The following METAP1D variants were observed in gnomAD, a reference collection of about 807,000 sequenced individuals.
METAP1D encodes methionine aminopeptidase 1D, mitochondrial.
In METAP1D, 31 loss-of-function variants were observed where a neutral mutation model predicts 40.5. The ratio of observed to expected loss-of-function variants is 0.77; its 90% CI spans 0.58 to 1.03. The LOEUF is 1.03. METAP1D is among the 50% of genes least tolerant of loss of function. The pLI is 0.00. For synonymous variants in METAP1D, 151 were observed against 146.4 expected (o/e 1.03, Z -0.22); for missense variants, 411 against 420.7 (o/e 0.98, Z 0.20).
At chr2:172,020,649 G>A (rs1270834661) in intron 1 of METAP1D, among the ~76,000 whole-genome samples, 11 of 152,196 alleles carry the variant, frequency 7.2e-5, no homozygotes, top group African/African-American at 2.2e-4. Context: ...CCCTATAGGA[G>A]TTTGCATTGG....
intron 1 of METAP1D, among the ~76,000 whole-genome samples, chr2:172,016,883 C>T (rs761476568): frequency 1.8e-4 from 27 of 151,942 alleles, no homozygotes; most frequent in Admixed American, 8.5e-4. Context: ...TGCTATTCCT[C>T]GTGCTTGAAC....
intron 1 of METAP1D, among the ~76,000 whole-genome samples, chr2:172,061,281 C>G (rs1378643143): frequency 2.0e-5 from 3 of 152,132 alleles, no homozygotes; most frequent in East Asian, 3.8e-4. Context: ...TCCATTGTCA[C>G]GCATTTATGT....
At chr2:172,062,843 T>C (rs757152051) in intron 2 of METAP1D, among the ~76,000 whole-genome samples, 33 of 152,218 alleles carry the variant, frequency 2.2e-4, no homozygotes, top group Admixed American at 1.5e-3. Flanking sequence ...AATGTTTCAA[T>C]TGAAGAGTGT....
At chr2:172,006,186 GT>G (rs11380115) in intron 1 of METAP1D, among the ~76,000 whole-genome samples, 43,772 of 139,398 alleles carry the variant, frequency 0.31, 5,901 homozygotes, top group East Asian at 0.68. Context: ...TATAGTTTTT[GT>G]TTTTTTTTTT....
At chr2:172,071,102 T>C (rs747711422) in intron 6 of METAP1D, 32 bp downstream of exon 6, 1 of 1,568,694 alleles carries the variant, frequency 6.4e-7, no homozygotes, top group Non-Finnish European at 8.6e-7. Flanking sequence ...AAAGGGAGGG[T>C]TGGCAAATGG....
chr2:172,016,292 A>C (rs1418576560), intron 1 of METAP1D, among the ~76,000 whole-genome samples: 1 of 75,920 alleles, frequency 1.3e-5, no homozygotes, highest in African/African-American at 4.0e-5. Flanking sequence ...AAAAAAAAAA[A>C]AAAAAAAAAT....
At chr2:172,016,336 G>A (rs1336604651) in intron 1 of METAP1D, among the ~76,000 whole-genome samples, 4 of 93,196 alleles carry the variant, frequency 4.3e-5, no homozygotes, top group African/African-American at 1.7e-4. Flanking sequence ...TATATAAATA[G>A]TCCAGGCGTG....
At chr2:172,000,136 C>A in intron 1 of METAP1D, 127 bp downstream of exon 1, 1 of 817,486 alleles carries the variant, frequency 1.2e-6, no homozygotes, top group Non-Finnish European at 1.7e-6. Context: ...TCAGTGTTTA[C>A]GAACACACGC....
At chr2:172,002,045 TG>T in intron 1 of METAP1D, among the ~76,000 whole-genome samples, 1 of 59,252 alleles carries the variant, frequency 1.7e-5, no homozygotes, top group African/African-American at 9.5e-5. Context: ...TGTAGTGAGC[TG>T]AAAAAAAAAA....
intron 1 of METAP1D, among the ~76,000 whole-genome samples, chr2:172,032,490 T>C (rs1406543140): frequency 6.6e-6 from 1 of 152,208 alleles, no homozygotes; most frequent in East Asian, 1.9e-4. Context: ...TAACTCACTC[T>C]TGAAAACTGG....
At position 172,063,821 on chromosome 2, in the gene METAP1D, G is replaced by T; in HGVS notation, c.309G>T (p.Leu103=). ...AAGGGCTTCATCAGGCTTGTCAGCT[G>T]GCCCGCCACGTCCTCCTCTTGGCTG... ...QIQGLHQACQ[L]ARHVLLLAGK... Residue 103 remains leucine, a synonymous_variant, in exon 3 of 10, where the codon CTG becomes CTT. Transcript: ENST00000315796. 1 of 1,613,808 alleles carries T rather than the reference G, an allele frequency of 6.2e-7. No homozygotes were observed. The highest frequency in any genetic ancestry group is 8.5e-7 in the Non-Finnish European group (1 of 1,179,888).
chr2:172,076,926 A>G (rs1013640357), intron 6 of METAP1D, among the ~76,000 whole-genome samples: 1 of 152,234 alleles, frequency 6.6e-6, no homozygotes, highest in African/African-American at 2.4e-5. Context: ...GATGCTCCCC[A>G]AAATAAACAT....
intron 1 of METAP1D, among the ~76,000 whole-genome samples, chr2:172,036,688 A>G (rs920799154): frequency 5.9e-5 from 9 of 151,984 alleles, no homozygotes; most frequent in African/African-American, 2.2e-4. Context: ...TTCTATTACA[A>G]ACAGTCTGAG....
At chr2:172,048,008 C>A (rs1292943701) in intron 1 of METAP1D, among the ~76,000 whole-genome samples, 1 of 152,184 alleles carries the variant, frequency 6.6e-6, no homozygotes, top group Non-Finnish European at 1.5e-5. Flanking sequence ...AGGAAAACAT[C>A]AAAATTAGGC....
At chr2:172,007,308 T>A (rs1316572899) in intron 1 of METAP1D, among the ~76,000 whole-genome samples, 1 of 152,006 alleles carries the variant, frequency 6.6e-6, no homozygotes, top group Non-Finnish European at 1.5e-5. Flanking sequence ...TAGCTGGGAC[T>A]ATAGGCGCAC....
chr2:172,045,521 C>T (rs1042958292), intron 1 of METAP1D, among the ~76,000 whole-genome samples: 3 of 147,812 alleles, frequency 2.0e-5, no homozygotes, highest in Non-Finnish European at 4.5e-5. Context: ...ATTAGCCGGG[C>T]GTGGTGGCGC....
At chr2:172,013,166 A>G (rs1350964509) in intron 1 of METAP1D, among the ~76,000 whole-genome samples, 1 of 152,216 alleles carries the variant, frequency 6.6e-6, no homozygotes, top group Non-Finnish European at 1.5e-5. Flanking sequence ...CAGGCCACAG[A>G]GCATTTCCGG....
chr2:172,032,886 C>T (rs1689271294), intron 1 of METAP1D, among the ~76,000 whole-genome samples: 2 of 152,062 alleles, frequency 1.3e-5, no homozygotes, highest in South Asian at 4.2e-4. Context: ...CACGGTGAAA[C>T]CCCATCTCTA....
chr2:172,000,011 T>G lies in METAP1D; in HGVS notation c.40+2T>G, dbSNP rs1574079528. The G allele has an allele frequency of 7.5e-7, 1 of 1,334,278 alleles. No homozygotes were observed. The highest frequency in any genetic ancestry group is 9.7e-7 in the Non-Finnish European group (1 of 1,033,138). 82.7% of individuals were successfully genotyped at this position (1,334,278 alleles called of 1,614,324 possible). ...GCGTCCACCTGCTCGTCCGCAGAGG[T>G]AAGCGCGTGGAGGAGAGCCCCGTGA... is the stretch of plus-strand genomic sequence containing the variant. On this transcript the variant is annotated splice_donor_variant, in intron 1 of 9. Transcript: ENST00000315796. LOFTEE classifies it high-confidence loss of function.
Sources: allele counts gnomAD v4.1 joint callset (sites outside exome capture counted in the v4.1 genomes callset), GRCh38; gene constraint gnomAD v4.1.1; transcripts MANE v1.5; gene names NCBI Gene and HGNC (gene_info 2026-07-23, HGNC 2026-07-21).